The following CEP112 variants were observed in gnomAD, a reference collection of about 807,000 sequenced individuals.
CEP112 encodes the protein centrosomal protein of 112 kDa.
CEP112 carries 127 observed loss-of-function variants against 153.0 expected under a neutral mutation model. The observed-to-expected ratio is 0.83, with a 90% CI of 0.72 to 0.96. CEP112 has a LOEUF of 0.96. Among genes scored for constraint, CEP112 ranks in the 40% least tolerant of loss-of-function variants. The pLI, the probability that CEP112 is intolerant of heterozygous loss-of-function variation, is 0.00. For synonymous variants in CEP112, 358 were observed against 374.4 expected (o/e 0.96, Z 0.51); for missense variants, 1,089 against 1,101.2 (o/e 0.99, Z 0.16).
intron 6 of CEP112, among the ~76,000 whole-genome samples, chr17:66,124,540 G>A (rs1416025502): frequency 6.6e-6 from 1 of 151,192 alleles, no homozygotes; most frequent in African/African-American, 2.4e-5. Context: ...TTTTCCACTG[G>A]GGCTGGTCTA....
chr17:66,178,791 C>T (rs576043248), intron 2 of CEP112, among the ~76,000 whole-genome samples: 56 of 152,050 alleles, frequency 3.7e-4, no homozygotes, highest in South Asian at 8.3e-4. Context: ...ACTTGATATC[C>T]GTATACAGAA....
rs576206367 is a variant in CEP112, at chr17:65,876,859, A to T, written c.2164-24825T>A. Among the ~76,000 whole-genome samples the T allele has an allele frequency of 5.3e-5, 8 of 152,220 alleles. No homozygotes were observed. In the South Asian group the frequency reaches 1.7e-3, roughly 32 times the overall value. Reference sequence around the variant, plus strand: ...ATTTTGATTGTTACATTTTCAGAGCAGCCTGTTCTTCTTTTATGAATATTA... The same window carrying T: ...ATTTTGATTGTTACATTTTCAGAGCTGCCTGTTCTTCTTTTATGAATATTA... On this transcript the variant is annotated intron_variant, in intron 20 of 26. Transcript: ENST00000535342.
At chr17:66,002,011 T>C (rs895816153) in intron 17 of CEP112, among the ~76,000 whole-genome samples, 5 of 152,122 alleles carry the variant, frequency 3.3e-5, no homozygotes, top group African/African-American at 9.7e-5. Flanking sequence ...AGAACAAAAA[T>C]TGAAAAGAAT....
chr17:65,762,597 A>AT (rs1166359374), intron 21 of CEP112, among the ~76,000 whole-genome samples: 3 of 151,770 alleles, frequency 2.0e-5, no homozygotes, highest in Non-Finnish European at 4.4e-5. Context: ...TTTAAAACAT[A>AT]TTTTTTACTG....
intron 21 of CEP112, among the ~76,000 whole-genome samples, chr17:65,792,472 AAAC>A (rs755143022): frequency 7.9e-5 from 12 of 152,190 alleles, no homozygotes; most frequent in Non-Finnish European, 1.8e-4. Flanking sequence ...GTTCTCATTA[AAAC>A]AATGCAGAAC....
chr17:66,055,096 A>G (rs28719969), intron 11 of CEP112, among the ~76,000 whole-genome samples: 86,552 of 151,974 alleles, frequency 0.57, 25,813 homozygotes, highest in African/African-American at 0.67. Flanking sequence ...TAAATAGGGA[A>G]GAGAGAAAGG....
chr17:65,914,042 T>C, intron 19 of CEP112: 1 of 188,938 alleles, frequency 5.3e-6, no homozygotes, highest in Non-Finnish European at 9.8e-6. Flanking sequence ...AGGGTTTTTT[T>C]TTCATGGTTC....
chr17:65,727,248 T>C (rs2050232761), intron 23 of CEP112, among the ~76,000 whole-genome samples: 1 of 152,214 alleles, frequency 6.6e-6, no homozygotes, highest in African/African-American at 2.4e-5. Flanking sequence ...TGAGTAAGAA[T>C]GAGCATTTTT....
chr17:66,126,536 T>C (rs994490309), intron 6 of CEP112, among the ~76,000 whole-genome samples: 3 of 151,688 alleles, frequency 2.0e-5, no homozygotes, highest in Admixed American at 1.3e-4. Flanking sequence ...ACGAAATAGG[T>C]AAAAAATATA....
intron 16 of CEP112, among the ~76,000 whole-genome samples, chr17:66,012,763 T>A (rs1432359941): frequency 3.3e-5 from 5 of 152,214 alleles, no homozygotes; most frequent in Non-Finnish European, 7.3e-5. Flanking sequence ...TGAATTTAAA[T>A]GTTGGTCTCT....
intron 21 of CEP112, among the ~76,000 whole-genome samples, chr17:65,801,946 A>G (rs1386883218): frequency 6.6e-6 from 1 of 152,050 alleles, no homozygotes; most frequent in Non-Finnish European, 1.5e-5. Context: ...AAAACTGGAC[A>G]TTTTCAATAT....
chr17:66,184,203 G>A (rs1251914491), intron 1 of CEP112, among the ~76,000 whole-genome samples: 1 of 152,096 alleles, frequency 6.6e-6, no homozygotes, highest in African/African-American at 2.4e-5. Flanking sequence ...AGGCTGCAGT[G>A]GGCCATGATC....
At chr17:65,922,084 A>T (rs1438121902) in intron 19 of CEP112, among the ~76,000 whole-genome samples, 1 of 152,154 alleles carries the variant, frequency 6.6e-6, no homozygotes, top group Non-Finnish European at 1.5e-5. Flanking sequence ...AAAAGCCTGT[A>T]ATGCCACTAG....
chr17:65,990,091 A>G (rs1412168863), intron 17 of CEP112, among the ~76,000 whole-genome samples: 1 of 152,214 alleles, frequency 6.6e-6, no homozygotes, highest in Non-Finnish European at 1.5e-5. Flanking sequence ...GTAACCATAA[A>G]GGAAGAAAGG....
intron 20 of CEP112, among the ~76,000 whole-genome samples, chr17:65,858,846 T>C (rs2058209241): frequency 6.6e-6 from 1 of 152,212 alleles, no homozygotes; most frequent in African/African-American, 2.4e-5. Context: ...GATTAGGAAA[T>C]ACGTTGACAT....
chr17:65,808,754 T>G (rs2145888266), intron 21 of CEP112, among the ~76,000 whole-genome samples: 1 of 152,292 alleles, frequency 6.6e-6, no homozygotes, highest in East Asian at 1.9e-4. Context: ...ATGCTTCCTG[T>G]TAAGCCTGCA....
intron 6 of CEP112, among the ~76,000 whole-genome samples, chr17:66,128,004 A>C (rs1653530345): frequency 6.6e-6 from 1 of 152,024 alleles, no homozygotes; most frequent in Admixed American, 6.6e-5. Context: ...GGAGTCCACT[A>C]TAAAGACCTA....
At chr17:66,000,952 A>G (rs2064018539) in intron 17 of CEP112, among the ~76,000 whole-genome samples, 1 of 152,202 alleles carries the variant, frequency 6.6e-6, no homozygotes, top group Non-Finnish European at 1.5e-5. Flanking sequence ...GATTTTCTGA[A>G]ACGGAAGGCT....
intron 7 of CEP112, 125 bp from the exon 8 acceptor site, chr17:66,096,453 T>C (rs2068348423): frequency 8.7e-7 from 1 of 1,149,326 alleles, no homozygotes; most frequent in African/African-American, 1.6e-5. Context: ...AAAAAATCAC[T>C]TCCAAGTGAT....
Sources: allele counts gnomAD v4.1 joint callset (sites outside exome capture counted in the v4.1 genomes callset), GRCh38; gene constraint gnomAD v4.1.1; transcripts MANE v1.5; gene names NCBI Gene and HGNC (gene_info 2026-07-23, HGNC 2026-07-21).